TNS3: variants seen among roughly 807,000 people sequenced by gnomAD.
TNS3 encodes tensin 3.
A neutral mutation model predicts 140.9 loss-of-function variants in TNS3; 45 were observed. The ratio of observed to expected loss-of-function variants is 0.32; its 90% CI spans 0.25 to 0.41. The LOEUF (loss-of-function observed/expected upper bound fraction) is 0.41, where lower values mean the gene tolerates loss of function less well. Among genes scored for constraint, TNS3 ranks in the 10% least tolerant of loss-of-function variants. TNS3 has a pLI of 1.00. For synonymous variants in TNS3, 815 were observed against 788.4 expected, an observed-to-expected ratio of 1.03 and a Z score of -0.56; for missense variants, 1,716 against 1,906.7, an observed-to-expected ratio of 0.90 and a Z score of 1.86.
At chr7:47,328,267 T>C (rs1387888857) in intron 20 of TNS3, among the ~76,000 whole-genome samples, 2 of 152,218 alleles carry the variant, frequency 1.3e-5, no homozygotes, top group South Asian at 2.1e-4. Flanking sequence ...GAGCTGCTGC[T>C]GGCTGTCGCG....
chr7:47,314,898 A>G (rs1302053977), intron 20 of TNS3, among the ~76,000 whole-genome samples: 1 of 152,218 alleles, frequency 6.6e-6, no homozygotes, highest in Non-Finnish European at 1.5e-5. Flanking sequence ...TGGAGACATA[A>G]GGGCACCACA....
chr7:47,284,815 C>T (rs1386300476), intron 27 of TNS3, among the ~76,000 whole-genome samples: 1 of 152,234 alleles, frequency 6.6e-6, no homozygotes, highest in East Asian at 1.9e-4. Flanking sequence ...AGTGTTTTCC[C>T]ACAGTCTACA....
At chr7:47,477,979 G>T (rs1797257081) in intron 4 of TNS3, among the ~76,000 whole-genome samples, 1 of 152,148 alleles carries the variant, frequency 6.6e-6, no homozygotes, top group Admixed American at 6.5e-5. Flanking sequence ...AGACAGCACT[G>T]CCCTGTTTAG....
rs542375525 is a variant in TNS3, at chr7:47,451,524, TGAGCC to T, written c.-75-9474_-75-9470del. Among the ~76,000 whole-genome samples the T allele has an allele frequency of 3.8e-3, 574 of 152,164 alleles. 3 individuals carry two copies. The highest frequency in any genetic ancestry group is 0.02 in the Middle Eastern group (6 of 294). On this transcript the variant is annotated intron_variant, in intron 4 of 30. Transcript: ENST00000311160. ...CAAACCCAGGAGGTGGAGATTGCAGTGAGCCGAGATGGTGCCACTGCACTCCAGCC... is the reference window on the plus strand; with the variant it reads ...CAAACCCAGGAGGTGGAGATTGCAGTGAGATGGTGCCACTGCACTCCAGCC...
chr7:47,385,909 C>A lies in TNS3; in HGVS notation c.1024+10891G>T, dbSNP rs138240833. Among the ~76,000 whole-genome samples, 5 of 152,314 alleles carry A rather than the reference C, an allele frequency of 3.3e-5. No individual in the cohort carries two copies. In the East Asian group the frequency reaches 9.7e-4, roughly 29 times the overall value. ...GGCTGTTGAGATCTTGGCAGAATTC[C>A]CACAATCAATCAACACCAAATCTTG... On this transcript the variant is annotated intron_variant, in intron 16 of 30. Coordinates refer to ENST00000311160, the MANE Select transcript of TNS3 (RefSeq NM_022748.12).
chr7:47,388,465 A>G (rs1343443842), intron 16 of TNS3, among the ~76,000 whole-genome samples: 4 of 152,208 alleles, frequency 2.6e-5, no homozygotes, highest in African/African-American at 9.6e-5. Context: ...CATTGCATGC[A>G]TGTTGGTTAA....
At position 47,368,636 on chromosome 7, in the gene TNS3, T is replaced by A. The variant is rs769757516; in HGVS notation, c.2010A>T (p.Pro670=). The A allele has an allele frequency of 1.9e-6, 3 of 1,600,190 alleles. No homozygotes were observed. The highest frequency in any genetic ancestry group is 2.6e-6 in the Non-Finnish European group (3 of 1,173,350). ...SPSKAFKPRF[P]GDQVVNGAGP... Reference sequence around the variant, plus strand: ...CGGCTCCATTCACAACCTGGTCTCCTGGAAACCTGGGTTTGAACGCTTTGC... The same window carrying A: ...CGGCTCCATTCACAACCTGGTCTCCAGGAAACCTGGGTTTGAACGCTTTGC... Residue 670 remains proline (P), a synonymous_variant, in exon 17 of 31, where the codon CCA becomes CCT. Coordinates refer to ENST00000311160, the MANE Select transcript of TNS3 (RefSeq NM_022748.12).
chr7:47,332,403 A>T (rs1788391961), intron 20 of TNS3, among the ~76,000 whole-genome samples: 1 of 152,214 alleles, frequency 6.6e-6, no homozygotes, highest in Non-Finnish European at 1.5e-5. Context: ...TCTAAGAGGC[A>T]TCCTGCTGGG....
At chr7:47,561,441 G>A (rs769695664) in intron 1 of TNS3, among the ~76,000 whole-genome samples, 1 of 152,074 alleles carries the variant, frequency 6.6e-6, no homozygotes, top group Non-Finnish European at 1.5e-5. Flanking sequence ...AGAATAACTT[G>A]TTTCTGTTCA....
intron 2 of TNS3, among the ~76,000 whole-genome samples, chr7:47,527,429 T>C (rs918708430): frequency 2.1e-4 from 32 of 152,210 alleles, no homozygotes; most frequent in Non-Finnish European, 8.8e-5. Context: ...TAGAGCAAGC[T>C]TGATGGAGGA....
Position 47,340,108 on chromosome 7 carries a change from TATATATA to T in TNS3, c.2650+4640_2650+4646del, listed in dbSNP as rs1272637406. On this transcript the variant is annotated intron_variant, in intron 20 of 30. Transcript: ENST00000311160. Reference sequence around the variant, plus strand: ...GTGCATATACATATATATATATATATATATATATTTTTTTTTTTTTTTTTTTTTTTTT... The same window carrying T: ...GTGCATATACATATATATATATATATTTTTTTTTTTTTTTTTTTTTTTTTT... Among the ~76,000 whole-genome samples the T allele has an allele frequency of 3.7e-4, 16 of 43,396 alleles. 1 individual carries two copies. The highest frequency in any genetic ancestry group is 1.2e-3 in the African/African-American group (14 of 11,432). 28.5% of individuals were successfully genotyped at this position (43,396 alleles called of 152,430 possible). A position where few individuals can be genotyped will look rare whatever the true frequency, so the allele number is the denominator to read the frequency against.
At chr7:47,518,710 T>A (rs1798864988) in intron 2 of TNS3, among the ~76,000 whole-genome samples, 1 of 152,062 alleles carries the variant, frequency 6.6e-6, no homozygotes, top group Non-Finnish European at 1.5e-5. Flanking sequence ...TAAATCATTA[T>A]CCCCCTCAAG....
intron 1 of TNS3, among the ~76,000 whole-genome samples, chr7:47,534,750 A>G (rs1799541422): frequency 6.6e-6 from 1 of 152,236 alleles, no homozygotes. Context: ...CTTTCTGATA[A>G]CACAGGTTGT....
At chr7:47,397,140 T>A (rs1792881825) in intron 15 of TNS3, among the ~76,000 whole-genome samples, 1 of 152,148 alleles carries the variant, frequency 6.6e-6, no homozygotes, top group Admixed American at 6.5e-5. Flanking sequence ...TGATCTTTCG[T>A]CCACTGTGAA....
rs570729543 is a variant in TNS3, at chr7:47,277,918, T to C, written c.*158A>G. ...AAGGCCAATTCACGGTGATGTTGTT[T>C]GTTCTTGTTTTTGCAGAGCTGGAAG... On this transcript the variant is annotated 3_prime_UTR_variant, in exon 31 of 31. Coordinates refer to ENST00000311160, the MANE Select transcript of TNS3 (RefSeq NM_022748.12). 5 of 832,824 alleles carry C rather than the reference T, an allele frequency of 6.0e-6. No individual in the cohort carries two copies. The African/African-American group carries it at 8.4e-5, about 14-fold the overall frequency. 51.6% of individuals were successfully genotyped at this position (832,824 alleles called of 1,614,324 possible).
rs1554310554 is a variant in TNS3 at position 47,389,154 on chromosome 7, A to AAGCAGC, written c.1024+7645_1024+7646insGCTGCT. Among the ~76,000 whole-genome samples the AAGCAGC allele has an allele frequency of 5.3e-3, 437 of 82,290 alleles. 135 individuals are homozygous for AAGCAGC. Among genetic ancestry groups the AAGCAGC allele is most frequent in the African/African-American group, 0.017 (409 of 23,742 alleles). 54.0% of individuals were successfully genotyped at this position (82,290 alleles called of 152,430 possible). ...GAAGAAGAAGAAGAAGAAGAAGAAG[A>AAGCAGC]AGCAGAAGAAGCAGCAGAAGCAGAA... On this transcript the variant is annotated intron_variant, in intron 16 of 30. Coordinates refer to ENST00000311160, the MANE Select transcript of TNS3 (RefSeq NM_022748.12).
intron 3 of TNS3, among the ~76,000 whole-genome samples, chr7:47,484,935 A>C (rs1174161641): frequency 6.6e-6 from 1 of 152,186 alleles, no homozygotes; most frequent in Non-Finnish European, 1.5e-5. Context: ...TTTAGCACTT[A>C]TGTTCTTAAC....
intron 20 of TNS3, among the ~76,000 whole-genome samples, chr7:47,340,230 C>T (rs1788918955): frequency 7.2e-6 from 1 of 139,750 alleles, no homozygotes; most frequent in South Asian, 2.5e-4. Context: ...TCAAGTGATT[C>T]TCCTGCCTCA....
chr7:47,571,808 G>T (rs954434820), intron 1 of TNS3, among the ~76,000 whole-genome samples: 20 of 152,232 alleles, frequency 1.3e-4, no homozygotes, highest in Non-Finnish European at 2.6e-4. Context: ...TCGGCATTAA[G>T]CGGCCCAGTG....
Sources: allele counts gnomAD v4.1 joint callset (sites outside exome capture counted in the v4.1 genomes callset), GRCh38; gene constraint gnomAD v4.1.1; transcripts MANE v1.5; gene names NCBI Gene and HGNC (gene_info 2026-07-23, HGNC 2026-07-21).